Variants in MIDEAS observed in about 807,000 individuals in gnomAD.
MIDEAS encodes the protein mitotic deacetylase-associated SANT domain protein.
In MIDEAS, 26 loss-of-function variants were observed where a neutral mutation model predicts 102.7. That is an observed-to-expected ratio of 0.25 (90% CI 0.19 to 0.35). MIDEAS has a LOEUF of 0.35. Among genes scored for constraint, MIDEAS ranks in the 10% least tolerant of loss-of-function variants. The pLI, the probability that MIDEAS is intolerant of heterozygous loss-of-function variation, is 1.00. For missense variants in MIDEAS, 1,231 were observed against 1,435.6 expected (o/e 0.86, Z 2.30); for synonymous variants, 585 against 591.0 (o/e 0.99, Z 0.15).
Position 73,776,209 on chromosome 14 carries a change from A to C in MIDEAS, c.-248+10893T>G, listed in dbSNP as rs548081454. 2.0e-5 allele frequency among the ~76,000 whole-genome samples: 3 copies of C among 152,160 alleles called. No homozygotes were observed. The East Asian group carries it at 5.8e-4, about 30-fold the overall frequency. ...GGCAGCACCAAAGTTTTCCAAGTGG[A>C]ATCAAATGTGCAGGGAGGATCCAGA... On this transcript the variant is annotated intron_variant, in intron 1 of 11. Coordinates refer to the MIDEAS transcript ENST00000394071.
chr14:73,727,267 C>CT, intron 5 of MIDEAS, 191 bp downstream of exon 5: 1 of 669,510 alleles, frequency 1.5e-6, no homozygotes, highest in South Asian at 1.9e-5. Context: ...GGTCCTTGCC[C>CT]TTCCCTGCAA....
intron 1 of MIDEAS, among the ~76,000 whole-genome samples, chr14:73,741,092 CCT>C (rs1023944272): frequency 2.6e-5 from 4 of 152,238 alleles, no homozygotes; most frequent in African/African-American, 9.6e-5. Context: ...TGACCCCGCC[CCT>C]GCCTGACCCC....
intron 1 of MIDEAS, among the ~76,000 whole-genome samples, chr14:73,769,741 G>A (rs1332029951): frequency 6.6e-6 from 1 of 151,842 alleles, no homozygotes; most frequent in African/African-American, 2.4e-5. Flanking sequence ...AACTGGGACT[G>A]TAGGCACGCA....
chr14:73,751,516 G>A (rs796284543), intron 1 of MIDEAS, among the ~76,000 whole-genome samples: 22 of 152,304 alleles, frequency 1.4e-4, no homozygotes, highest in African/African-American at 4.6e-4. Context: ...GGGCCAACCT[G>A]TGGAGGGCTC....
At position 73,722,805 on chromosome 14, in the gene MIDEAS, T is replaced by TACA; in HGVS notation, c.2616_2617insTGT (p.Tyr872_Thr873insCys). 1 of 1,614,182 alleles carries TACA rather than the reference T, an allele frequency of 6.2e-7. No individual in the cohort carries two copies. The highest frequency in any genetic ancestry group is 8.5e-7 in the Non-Finnish European group (1 of 1,180,018). On this transcript the variant is annotated inframe_insertion, in exon 10 of 13. Coordinates refer to ENST00000423556, the MANE Select transcript of MIDEAS (RefSeq NM_001367710.1). The stretch of plus-strand genomic sequence containing the variant: ...CCGATTTTCACCTGCTTCTTGTAGG[T>TACA]GTAGTAGAACTCCACGCACTGGGCC...
intron 1 of MIDEAS, among the ~76,000 whole-genome samples, chr14:73,765,704 A>G (rs1464757514): frequency 1.3e-5 from 2 of 152,074 alleles, no homozygotes; most frequent in African/African-American, 4.8e-5. Flanking sequence ...TCACCCTCAT[A>G]TCTTCACACA....
At chr14:73,734,684 G>GC (rs1225918808) in intron 3 of MIDEAS, among the ~76,000 whole-genome samples, 3 of 151,934 alleles carry the variant, frequency 2.0e-5, no homozygotes, top group African/African-American at 4.8e-5. Flanking sequence ...TCCTGCCTTG[G>GC]CCCCCCCAAA....
At chr14:73,752,634 G>C (rs910427930) in intron 1 of MIDEAS, among the ~76,000 whole-genome samples, 5 of 152,096 alleles carry the variant, frequency 3.3e-5, no homozygotes, top group African/African-American at 1.2e-4. Flanking sequence ...CCTCCTAGAA[G>C]GGCTGCAAAC....
intron 3 of MIDEAS, among the ~76,000 whole-genome samples, chr14:73,730,654 G>A (rs1296222863): frequency 6.6e-6 from 1 of 152,052 alleles, no homozygotes; most frequent in Non-Finnish European, 1.5e-5. Flanking sequence ...GACCTGAGCT[G>A]GACATGGGAC....
intron 1 of MIDEAS, among the ~76,000 whole-genome samples, chr14:73,783,473 A>G (rs1048629707): frequency 6.6e-6 from 1 of 152,236 alleles, no homozygotes; most frequent in Non-Finnish European, 1.5e-5. Flanking sequence ...AGCAAAGGTC[A>G]GACCCCTGTG....
chr14:73,775,481 C>T (rs1318276511), intron 1 of MIDEAS, among the ~76,000 whole-genome samples: 1 of 152,050 alleles, frequency 6.6e-6, no homozygotes, highest in Non-Finnish European at 1.5e-5. Context: ...TGGCCAGGAA[C>T]TAGGAAGGCC....
chr14:73,777,144 A>T (rs1276752950), intron 1 of MIDEAS, among the ~76,000 whole-genome samples: 2 of 151,968 alleles, frequency 1.3e-5, no homozygotes, highest in African/African-American at 4.8e-5. Flanking sequence ...GGCCAACCAC[A>T]TGCGCAGCCT....
Position 73,738,633 on chromosome 14 carries a change from C to A in MIDEAS, c.1376G>T (p.Arg459Leu). The A allele has an allele frequency of 1.2e-6, 2 of 1,612,688 alleles. No individual in the cohort carries two copies. Among genetic ancestry groups the A allele is most frequent in the Non-Finnish European group, 1.7e-6 (2 of 1,179,326 alleles). ...GVIQSTRRRR[R>L]ASQEANLLTL... The stretch of plus-strand genomic sequence containing the variant: ...CAGCAAATTGGCCTCCTGGGATGCC[C>A]GGCGCCTCCGTCGCGTGCTCTGGAT... The change falls in exon 2 of 13, where the codon CGG becomes CTG. Residue 459 changes from arginine (R) to leucine (L), a missense_variant. Physicochemically the swap from Arg to Leu is moderately radical, Grantham distance 102 (BLOSUM62 -2). Around this residue, in one of 5 missense-constraint regions of MIDEAS, gnomAD observed 758 missense variants for 856.0 expected, o/e 0.89. Coordinates refer to ENST00000423556, the MANE Select transcript of MIDEAS (RefSeq NM_001367710.1).
In MIDEAS at chr14:73,726,681, A is replaced by G. The variant is rs758461082; in HGVS notation, c.2332T>C (p.Ser778Pro). 6.2e-7 allele frequency: 1 copy of G among 1,614,212 alleles called. No individual in the cohort carries two copies. Among genetic ancestry groups the G allele is most frequent in the Non-Finnish European group, 8.5e-7 (1 of 1,180,020 alleles). Residue 778 changes from serine (S) to proline (P), a missense_variant, in exon 7 of 13, where the codon TCC becomes CCC. Coordinates refer to ENST00000423556, the MANE Select transcript of MIDEAS (RefSeq NM_001367710.1). ...GTGCCAGCACCAGGGAAAATGCTGG[A>G]GCAGGCGGCTGTCAGCAGGTCTTCC... ...QVEDLLTAACSSIFPGAGTNQ... is the reference protein window; with the variant it reads ...QVEDLLTAACPSIFPGAGTNQ...
chr14:73,753,240 G>C (rs1443299971), intron 1 of MIDEAS, among the ~76,000 whole-genome samples: 2 of 152,196 alleles, frequency 1.3e-5, no homozygotes, highest in Admixed American at 1.3e-4. Flanking sequence ...GAGGGAGGCA[G>C]CAGGGAGGTC....
upstream of MIDEAS, among the ~76,000 whole-genome samples, chr14:73,787,746 C>T (rs1010601471): frequency 1.3e-5 from 2 of 152,186 alleles, no homozygotes; most frequent in Non-Finnish European, 2.9e-5. Flanking sequence ...TGATGTCCCT[C>T]GTCATTTCTA....
In MIDEAS at chr14:73,716,743, A is replaced by T. The variant is rs76558772; in HGVS notation, c.*2100T>A. 2.0e-5 allele frequency: 3 copies of T among 152,436 alleles called. No homozygotes were observed. Among genetic ancestry groups the T allele is most frequent in the Non-Finnish European group, 4.4e-5 (3 of 68,002 alleles). The allele number at this position is 152,436 out of a possible 1,614,324, so 9.4% of individuals were successfully genotyped here. A position where few individuals can be genotyped will look rare whatever the true frequency, so the allele number is the denominator to read the frequency against. ...CCAAGTACAAGATGTTACCACTGACAAAAGGGTCTCATATGAATGATGGAG... is the reference window on the plus strand; with the variant it reads ...CCAAGTACAAGATGTTACCACTGACTAAAGGGTCTCATATGAATGATGGAG... On this transcript the variant is annotated 3_prime_UTR_variant, in exon 13 of 13. Transcript: ENST00000423556.
Position 73,742,755 on chromosome 14 carries a change from C to T in MIDEAS, c.-247-2500G>A, listed in dbSNP as rs2053298897. ...GAGCTAAGGGTGCCAGGGGCACAGA[C>T]AGTCAGGCCTGGGACCCTCAGAGAA... On this transcript the variant is annotated intron_variant, in intron 1 of 12. Coordinates refer to ENST00000423556, the MANE Select transcript of MIDEAS (RefSeq NM_001367710.1). The surrounding 1 kb of genome is among the most constrained non-coding windows in gnomAD (Gnocchi z 4.4). Among the ~76,000 whole-genome samples, 1 of 152,178 alleles carries T rather than the reference C, an allele frequency of 6.6e-6. No homozygotes were observed. Among genetic ancestry groups the T allele is most frequent in the Non-Finnish European group, 1.5e-5 (1 of 68,026 alleles).
intron 1 of MIDEAS, among the ~76,000 whole-genome samples, chr14:73,768,473 C>A (rs1380398282): frequency 3.3e-5 from 5 of 151,268 alleles, no homozygotes; most frequent in Non-Finnish European, 5.9e-5. Flanking sequence ...TTATTTGACT[C>A]ACATATTATG....
Sources: allele counts gnomAD v4.1 joint callset (sites outside exome capture counted in the v4.1 genomes callset), GRCh38; gene constraint gnomAD v4.1.1; regional missense constraint gnomAD v4.1.1; non-coding constraint Gnocchi (gnomAD v3.1); transcripts MANE v1.5; gene names NCBI Gene and HGNC (gene_info 2026-07-23, HGNC 2026-07-21).